HPS5: variants seen among roughly 807,000 people sequenced by gnomAD.
The protein encoded by HPS5 is HPS5 biogenesis of lysosomal organelles complex 2 subunit 2, also known as BLOC-2 complex member HPS5.
A neutral mutation model predicts 128.0 loss-of-function variants in HPS5; 83 were observed. The observed-to-expected ratio is 0.65, with a 90% CI of 0.54 to 0.78. HPS5 has a LOEUF of 0.78. HPS5 is among the 30% of genes least tolerant of loss of function. The pLI is 0.00. For synonymous variants in HPS5, 475 were observed against 470.2 expected, an observed-to-expected ratio of 1.01 and a Z score of -0.13; for missense variants, 1,281 against 1,326.2, an observed-to-expected ratio of 0.97 and a Z score of 0.53.
At chr11:18,292,281 C>T (rs1037049514) in intron 15 of HPS5, among the ~76,000 whole-genome samples, 1 of 149,866 alleles carries the variant, frequency 6.7e-6, no homozygotes, top group Non-Finnish European at 1.5e-5. Flanking sequence ...ACAAACATAG[C>T]TCACTGCAGG....
chr11:18,296,883 G>A lies in HPS5; in HGVS notation c.1425C>T (p.Leu475=). 2 of 1,613,794 alleles carry A rather than the reference G, an allele frequency of 1.2e-6. No homozygotes were observed. Among genetic ancestry groups the A allele is most frequent in the Non-Finnish European group, 1.7e-6 (2 of 1,179,784 alleles). Residue 475 remains leucine (L), a synonymous_variant, in exon 12 of 23, where the codon CTC becomes CTT. Transcript: ENST00000349215. ...EDSCSLHSQT[L]SEDERFKEFT... ...ATTCTTTAAATCTCTCATCTTCTGA[G>A]AGGGTTTGGCTGTGAAGGGAGCAAG...
Position 18,311,930 on chromosome 11 carries a change from A to T in HPS5, c.203T>A (p.Leu68His), listed in dbSNP as rs1170930611. The change falls in exon 3 of 23, where the codon CTT becomes CAT. Residue 68 changes from leucine (L) to histidine (H), a missense_variant. Coordinates refer to ENST00000349215, the MANE Select transcript of HPS5 (RefSeq NM_181507.2). The stretch of plus-strand genomic sequence containing the variant: ...TAATCTTACCCTGTGTGAAAGAAAA[A>T]GCCTGTGCTTCCAGCCTTCTTTCTG... ...LIQKEGWKHR[L>H]FLSHREGAIS... 1 of 1,612,814 alleles carries T rather than the reference A, an allele frequency of 6.2e-7. No homozygotes were observed. Among genetic ancestry groups the T allele is most frequent in the Non-Finnish European group, 8.5e-7 (1 of 1,178,872 alleles).
intron 8 of HPS5, among the ~76,000 whole-genome samples, chr11:18,304,215 AC>A (rs1862077055): frequency 6.8e-6 from 1 of 147,978 alleles, no homozygotes; most frequent in Non-Finnish European, 1.5e-5. Context: ...TCTATAATTC[AC>A]TTTTTTTTTT....
At position 18,295,118 on chromosome 11, in the gene HPS5, C is replaced by T. The variant is rs767757190; in HGVS notation, c.1686G>A (p.Thr562=). 6 of 1,614,104 alleles carry T rather than the reference C, an allele frequency of 3.7e-6. No individual in the cohort carries two copies. The highest frequency in any genetic ancestry group is 1.6e-4 in the Middle Eastern group (1 of 6,062). The change falls in exon 14 of 23, where the codon ACG becomes ACA. Residue 562 remains threonine, a synonymous_variant. Coordinates refer to ENST00000349215, the MANE Select transcript of HPS5 (RefSeq NM_181507.2). ...CTGGTCTCACTTTCAGATCAGGGCT[C>T]GTGTGAAGGGTGCCAATCTTCTCAG... is the stretch of plus-strand genomic sequence containing the variant. ...KTTEKIGTLH[T]SPDLKVRPEL... is the part of the protein sequence containing the mutation.
At chr11:18,300,340 CA>C (rs969210044) in intron 9 of HPS5, among the ~76,000 whole-genome samples, 21 of 152,076 alleles carry the variant, frequency 1.4e-4, no homozygotes, top group African/African-American at 5.1e-4. Flanking sequence ...TTCACTAATG[CA>C]TGTTTGGGAA....
At chr11:18,289,626 CA>C (rs1860156430) in intron 16 of HPS5, among the ~76,000 whole-genome samples, 3 of 151,896 alleles carry the variant, frequency 2.0e-5, no homozygotes, top group African/African-American at 7.3e-5. Context: ...TGAATTAAAG[CA>C]GATCTGTAAC....
chr11:18,287,754 T>C, intron 17 of HPS5, 64 bp from the exon 18 acceptor site: 1 of 1,595,648 alleles, frequency 6.3e-7, no homozygotes, highest in South Asian at 1.1e-5. Flanking sequence ...TTGGTTACAT[T>C]TAGGTTACTT....
intron 6 of HPS5, among the ~76,000 whole-genome samples, chr11:18,307,505 AG>A (rs1414664344): frequency 6.6e-6 from 1 of 151,866 alleles, no homozygotes; most frequent in African/African-American, 2.4e-5. Context: ...TACAGTGCTA[AG>A]GAGCTGGAGG....
At chr11:18,297,838 G>T in intron 10 of HPS5, 121 bp from the exon 11 acceptor site, 1 of 920,654 alleles carries the variant, frequency 1.1e-6, no homozygotes, top group Non-Finnish European at 1.7e-6. Flanking sequence ...CCAGCACTCT[G>T]GGAGGCCGAG....
intron 17 of HPS5, 87 bp downstream of exon 17, chr11:18,287,806 A>G (rs1460164823): frequency 1.3e-6 from 2 of 1,589,202 alleles, no homozygotes; most frequent in Admixed American, 1.7e-5. Flanking sequence ...GCTGCCTCAT[A>G]TGCAAATGAG....
At chr11:18,293,104 CT>C in intron 14 of HPS5, 128 bp from the exon 15 acceptor site, 1 of 746,398 alleles carries the variant, frequency 1.3e-6, no homozygotes, top group Non-Finnish European at 2.4e-6. Flanking sequence ...TCATTGCAAC[CT>C]CCGCCTCCCG....
At chr11:18,299,700 T>C (rs1861477635) in intron 9 of HPS5, among the ~76,000 whole-genome samples, 1 of 152,146 alleles carries the variant, frequency 6.6e-6, no homozygotes, top group South Asian at 2.1e-4. Flanking sequence ...AACCCCAAAC[T>C]ATAAAGATAC....
At chr11:18,288,527 T>C (rs1293340790) in intron 16 of HPS5, among the ~76,000 whole-genome samples, 1 of 152,164 alleles carries the variant, frequency 6.6e-6, no homozygotes, top group Non-Finnish European at 1.5e-5. Context: ...TTTGACTTTT[T>C]GGAATAGCCA....
intron 4 of HPS5, 68 bp from the exon 5 acceptor site, chr11:18,311,001 G>T: frequency 1.8e-6 from 2 of 1,103,322 alleles, no homozygotes; most frequent in African/African-American, 1.5e-5. Flanking sequence ...TTGCATCACA[G>T]TATCAACTAT....
intron 3 of HPS5, 134 bp from the exon 4 acceptor site, chr11:18,311,585 A>T: frequency 1.8e-6 from 1 of 570,416 alleles, no homozygotes. Context: ...ATCTCGGCTC[A>T]CTGCAACCTC....
In HPS5 at chr11:18,286,705, G is replaced by C; in HGVS notation, c.2723C>G (p.Ser908Cys). 1 of 1,613,888 alleles carries C rather than the reference G, an allele frequency of 6.2e-7. No individual in the cohort carries two copies. Among genetic ancestry groups the C allele is most frequent in the Non-Finnish European group, 8.5e-7 (1 of 1,179,950 alleles). ...TGGTTGCAGAAGGGACTCAAGAAAAGATGACCTAAGAGAAAGTTGGGGAAA... is the reference window on the plus strand; with the variant it reads ...TGGTTGCAGAAGGGACTCAAGAAAACATGACCTAAGAGAAAGTTGGGGAAA... Reference protein sequence around the residue: ...VKSRPEDQRSSFLESLLQPES... With the variant: ...VKSRPEDQRSCFLESLLQPES... The change falls in exon 19 of 23, where the codon TCT becomes TGT. Residue 908 changes from serine (S) to cysteine (C), a missense_variant. Coordinates refer to ENST00000349215, the MANE Select transcript of HPS5 (RefSeq NM_181507.2).
At chr11:18,312,584 T>C (rs1342207361) in intron 2 of HPS5, among the ~76,000 whole-genome samples, 3 of 152,204 alleles carry the variant, frequency 2.0e-5, no homozygotes, top group Non-Finnish European at 4.4e-5. Context: ...CTTTTCACCA[T>C]AGAAGTTGGA....
At chr11:18,284,552 A>G (rs1414096019) in intron 20 of HPS5, among the ~76,000 whole-genome samples, 1 of 152,176 alleles carries the variant, frequency 6.6e-6, no homozygotes, top group Non-Finnish European at 1.5e-5. Context: ...CAATTTTTGC[A>G]CCAAGTAGTT....
At position 18,279,725 on chromosome 11, in the gene HPS5, C is replaced by A; in HGVS notation, c.*157G>T. 1 of 698,490 alleles carries A rather than the reference C, an allele frequency of 1.4e-6. No individual in the cohort carries two copies. Among genetic ancestry groups the A allele is most frequent in the African/African-American group, 1.8e-5 (1 of 55,948 alleles). 43.3% of individuals were successfully genotyped at this position (698,490 alleles called of 1,614,324 possible). A position where few individuals can be genotyped will look rare whatever the true frequency, so the allele number is the denominator to read the frequency against. On this transcript the variant is annotated 3_prime_UTR_variant, in exon 23 of 23. Transcript: ENST00000349215. ...GTCATGGATAAAGAGTCACAGATGC[C>A]GATGCCAAGGGTACAGACACTGACA...
Sources: gnomAD v4.1 joint callset for allele counts (sites outside exome capture counted in the v4.1 genomes callset) on GRCh38, gnomAD v4.1.1 for gene constraint, MANE v1.5 for transcripts, NCBI Gene and HGNC (gene_info 2026-07-23, HGNC 2026-07-21) for gene names.